Variants in CCSER1 observed in about 807,000 individuals in gnomAD.
CCSER1 encodes serine-rich coiled-coil domain-containing protein 1.
In CCSER1, 41 loss-of-function variants were observed where a neutral mutation model predicts 82.0. The observed-to-expected ratio is 0.50, with a 90% CI of 0.39 to 0.65. The LOEUF (loss-of-function observed/expected upper bound fraction) is 0.65, where lower values mean the gene tolerates loss of function less well. Ranked by LOEUF, CCSER1 falls within the 30% of genes least tolerant of loss-of-function variation. The pLI is 0.00. For synonymous variants in CCSER1, 414 were observed against 383.9 expected, an observed-to-expected ratio of 1.08 and a Z score of -0.92; for missense variants, 1,119 against 1,064.2, an observed-to-expected ratio of 1.05 and a Z score of -0.72.
chr4:90,524,809 C>T (rs1773550685), intron 5 of CCSER1, among the ~76,000 whole-genome samples: 1 of 152,058 alleles, frequency 6.6e-6, no homozygotes, highest in Non-Finnish European at 1.5e-5. Context: ...TGAAATTCCT[C>T]ATTTGTCCTC....
chr4:90,846,057 A>G (rs1322039466), intron 8 of CCSER1, among the ~76,000 whole-genome samples: 2 of 152,196 alleles, frequency 1.3e-5, no homozygotes, highest in African/African-American at 2.4e-5. Flanking sequence ...CACTGGATTT[A>G]TTCTATAACA....
At chr4:90,674,279 A>C (rs1733377084) in intron 6 of CCSER1, among the ~76,000 whole-genome samples, 1 of 152,012 alleles carries the variant, frequency 6.6e-6, no homozygotes, top group Non-Finnish European at 1.5e-5. Context: ...TAGGCCCCAG[A>C]GGAATCATTT....
intron 10 of CCSER1, among the ~76,000 whole-genome samples, chr4:91,369,273 G>C (rs1159817315): frequency 6.6e-6 from 1 of 152,178 alleles, no homozygotes; most frequent in Non-Finnish European, 1.5e-5. Flanking sequence ...CAGCCTCGGC[G>C]ATGAAACAAG....
intron 10 of CCSER1, among the ~76,000 whole-genome samples, chr4:91,468,778 G>A (rs1356633586): frequency 6.6e-6 from 1 of 151,942 alleles, no homozygotes; most frequent in South Asian, 2.1e-4. Flanking sequence ...CTTGGGAGAG[G>A]TGCAATAATG....
intron 10 of CCSER1, among the ~76,000 whole-genome samples, chr4:91,127,936 C>T (rs1581606776): frequency 6.9e-6 from 1 of 144,582 alleles, no homozygotes; most frequent in East Asian, 2.2e-4. Flanking sequence ...CTCAAATTTC[C>T]ATTGCACTGG....
chr4:91,466,966 G>T (rs1578535535), intron 10 of CCSER1, among the ~76,000 whole-genome samples: 1 of 152,134 alleles, frequency 6.6e-6, no homozygotes, highest in East Asian at 1.9e-4. Context: ...TTGCCATCAA[G>T]CTACCAATGA....
At chr4:90,544,073 G>C (rs1776450568) in intron 5 of CCSER1, among the ~76,000 whole-genome samples, 1 of 152,108 alleles carries the variant, frequency 6.6e-6, no homozygotes. Flanking sequence ...CCAATTCCCA[G>C]GGGACTACCG....
intron 9 of CCSER1, among the ~76,000 whole-genome samples, chr4:90,941,384 A>G (rs1356133286): frequency 6.6e-6 from 1 of 152,082 alleles, no homozygotes; most frequent in African/African-American, 2.4e-5. Flanking sequence ...TTATATGTAG[A>G]TGTTACTATA....
chr4:91,379,648 A>G (rs1405270624), intron 10 of CCSER1, among the ~76,000 whole-genome samples: 3 of 151,078 alleles, frequency 2.0e-5, no homozygotes, highest in Non-Finnish European at 4.4e-5. Context: ...TCTCTGCTTT[A>G]TTCATCTTGC....
chr4:91,155,579 C>A (rs1284481400), intron 10 of CCSER1, among the ~76,000 whole-genome samples: 4 of 151,944 alleles, frequency 2.6e-5, no homozygotes, highest in Non-Finnish European at 5.9e-5. Context: ...AGAGGGTCAA[C>A]TTTCCATATC....
intron 5 of CCSER1, among the ~76,000 whole-genome samples, chr4:90,520,883 G>T (rs1040586298): frequency 6.6e-6 from 1 of 152,164 alleles, no homozygotes; most frequent in Non-Finnish European, 1.5e-5. Flanking sequence ...GGTCAGCCTG[G>T]ACAACGGAGT....
chr4:91,215,264 T>C (rs1427507441), intron 10 of CCSER1, among the ~76,000 whole-genome samples: 2 of 152,096 alleles, frequency 1.3e-5, no homozygotes, highest in Non-Finnish European at 1.5e-5. Flanking sequence ...ATAGTGTTTG[T>C]ATTTTTATTT....
At chr4:91,080,372 G>A (rs1254129353) in intron 9 of CCSER1, among the ~76,000 whole-genome samples, 1 of 152,134 alleles carries the variant, frequency 6.6e-6, no homozygotes, top group Non-Finnish European at 1.5e-5. Flanking sequence ...AAACCAATGA[G>A]AACAAAGACA....
chr4:90,346,865 G>T (rs551213263), intron 3 of CCSER1, among the ~76,000 whole-genome samples: 59 of 152,048 alleles, frequency 3.9e-4, no homozygotes, highest in African/African-American at 1.4e-3. Context: ...TAATGTAAAT[G>T]GTCACAGAAT....
chr4:91,554,253 A>G (rs1345599176), intron 10 of CCSER1, among the ~76,000 whole-genome samples: 1 of 151,378 alleles, frequency 6.6e-6, no homozygotes, highest in Non-Finnish European at 1.5e-5. Flanking sequence ...GATTCTAGAT[A>G]TGGTCTCAAT....
At chr4:90,349,233 AT>A (rs1742984047) in intron 3 of CCSER1, among the ~76,000 whole-genome samples, 1 of 152,154 alleles carries the variant, frequency 6.6e-6, no homozygotes, top group South Asian at 2.1e-4. Flanking sequence ...TTTAAATCAT[AT>A]CCTGAACTTG....
intron 8 of CCSER1, among the ~76,000 whole-genome samples, chr4:90,865,480 A>G (rs28705101): frequency 0.56 from 85,534 of 151,684 alleles, 24,457 homozygotes; most frequent in African/African-American, 0.64. Flanking sequence ...TCTACCTTCC[A>G]GCTGTCATAT....
chr4:90,690,016 A>T (rs1283246287), intron 6 of CCSER1, among the ~76,000 whole-genome samples: 1 of 152,064 alleles, frequency 6.6e-6, no homozygotes, highest in African/African-American at 2.4e-5. Flanking sequence ...CAAAGCAAAC[A>T]AGAATAAACT....
chr4:90,395,638 T>C (rs191004745), intron 3 of CCSER1, among the ~76,000 whole-genome samples: 28 of 151,818 alleles, frequency 1.8e-4, no homozygotes, highest in Admixed American at 1.6e-3. Context: ...ACAATTAAAC[T>C]CTACTTGCTA....
Sources: gnomAD v4.1 joint callset for allele counts (sites outside exome capture counted in the v4.1 genomes callset) on GRCh38, gnomAD v4.1.1 for gene constraint, MANE v1.5 for transcripts, NCBI Gene and HGNC (gene_info 2026-07-23, HGNC 2026-07-21) for gene names.